Variants in ST3GAL6 observed in about 807,000 individuals in gnomAD.
ST3GAL6 encodes the protein type 2 lactosamine alpha-2,3-sialyltransferase.
ST3GAL6 carries 31 observed loss-of-function variants against 40.5 expected under a neutral mutation model. The ratio of observed to expected loss-of-function variants is 0.77; its 90% CI spans 0.58 to 1.03. The LOEUF (loss-of-function observed/expected upper bound fraction) is 1.03, where lower values mean the gene tolerates loss of function less well. Among genes scored for constraint, ST3GAL6 ranks in the 50% least tolerant of loss-of-function variants. ST3GAL6 has a pLI of 0.00. For missense variants in ST3GAL6, 357 were observed against 393.2 expected, an observed-to-expected ratio of 0.91 and a Z score of 0.78; for synonymous variants, 129 against 136.9, an observed-to-expected ratio of 0.94 and a Z score of 0.40.
In ST3GAL6 at chr3:98,793,852, A is replaced by G; in HGVS notation, c.*91A>G. 1 of 678,400 alleles carries G rather than the reference A, an allele frequency of 1.5e-6. No homozygotes were observed. Among genetic ancestry groups the G allele is most frequent in the Non-Finnish European group, 2.4e-6 (1 of 414,598 alleles). 42.0% of individuals were successfully genotyped at this position (678,400 alleles called of 1,614,324 possible). A position where few individuals can be genotyped will look rare whatever the true frequency, so the allele number is the denominator to read the frequency against. On this transcript the variant is annotated 3_prime_UTR_variant, in exon 10 of 10. Transcript: ENST00000483910. ...AAAATATGTTGGATGCACTCGTCAA[A>G]TAATTATGTATACTGTCTGTTGCTG...
intron 1 of ST3GAL6, among the ~76,000 whole-genome samples, chr3:98,744,459 T>G (rs1442632174): frequency 4.6e-5 from 7 of 152,190 alleles, no homozygotes; most frequent in African/African-American, 1.7e-4. Context: ...ACTCAAAAAC[T>G]GCCTCTCTTG....
intron 1 of ST3GAL6, among the ~76,000 whole-genome samples, chr3:98,734,765 A>G (rs535961106): frequency 2.2e-4 from 33 of 152,304 alleles, no homozygotes; most frequent in African/African-American, 7.5e-4. Flanking sequence ...CCATTTAAAA[A>G]CATTAGTCTG....
intron 1 of ST3GAL6, chr3:98,733,504 A>G (rs1576008934): frequency 2.0e-6 from 2 of 986,884 alleles, no homozygotes; most frequent in Admixed American, 6.1e-5. Flanking sequence ...CTTACCGTAT[A>G]AAGTTTTTCG....
intron 1 of ST3GAL6, among the ~76,000 whole-genome samples, chr3:98,735,512 C>T (rs886325261): frequency 9.9e-5 from 15 of 152,110 alleles, no homozygotes; most frequent in African/African-American, 3.1e-4. Context: ...CAGGGTCTGG[C>T]GAAATCTAGG....
chr3:98,771,604 T>C (rs1043667008), intron 3 of ST3GAL6, among the ~76,000 whole-genome samples: 1 of 152,266 alleles, frequency 6.6e-6, no homozygotes, highest in Non-Finnish European at 1.5e-5. Context: ...ATTTTTTCTA[T>C]GAAGCATTAA....
intron 1 of ST3GAL6, among the ~76,000 whole-genome samples, chr3:98,758,063 T>A (rs987301386): frequency 3.3e-5 from 5 of 152,176 alleles, no homozygotes; most frequent in African/African-American, 4.8e-5. Flanking sequence ...GGTCTCGAGC[T>A]CCTGACCTCT....
chr3:98,765,898 T>C (rs1050757499), intron 1 of ST3GAL6, among the ~76,000 whole-genome samples: 4 of 152,198 alleles, frequency 2.6e-5, no homozygotes, highest in Non-Finnish European at 5.9e-5. Context: ...ACTTATACAA[T>C]ATAATTAGAT....
chr3:98,772,886 T>G lies in ST3GAL6; in HGVS notation c.241T>G (p.Phe81Val). Residue 81 changes from phenylalanine to valine, a missense_variant, in exon 4 of 10, where the codon TTT (phenylalanine) becomes GTT (valine). Physicochemically the swap from Phe to Val is conservative, Grantham distance 50. Coordinates refer to ENST00000483910, the MANE Select transcript of ST3GAL6 (RefSeq NM_001323368.2). ...TGCTTCCTTGTATGGTAGCGATAAG[T>G]TTGATTTGCCCTATGGGATGAGAAC... ...KIASLYGSDK[F>V]DLPYGMRTSA... 6.2e-7 allele frequency: 1 copy of G among 1,612,822 alleles called. No individual in the cohort carries two copies. Among genetic ancestry groups the G allele is most frequent in the Non-Finnish European group, 8.5e-7 (1 of 1,179,052 alleles).
In ST3GAL6 at chr3:98,772,896, C is replaced by T; in HGVS notation, c.251C>T (p.Pro84Leu). ...SLYGSDKFDL[P>L]YGMRTSAEYF... is the part of the protein sequence containing the mutation. ...TATGGTAGCGATAAGTTTGATTTGC[C>T]CTATGGGATGAGAACATCAGGTCAG... The change falls in exon 4 of 10, where the codon CCC (proline) becomes CTC (leucine). Residue 84 changes from proline to leucine, a missense_variant. Transcript: ENST00000483910. 5.0e-6 allele frequency: 8 copies of T among 1,611,028 alleles called. No homozygotes were observed. Among genetic ancestry groups the T allele is most frequent in the Non-Finnish European group, 6.8e-6 (8 of 1,177,808 alleles).
Position 98,763,456 on chromosome 3 carries a change from G to C in ST3GAL6, c.-12+17G>C, listed in dbSNP as rs1353510768. 7.8e-7 allele frequency: 1 copy of C among 1,289,582 alleles called. No individual in the cohort carries two copies. The highest frequency in any genetic ancestry group is 1.2e-5 in the South Asian group (1 of 81,008). The allele number at this position is 1,289,582 out of a possible 1,614,324, so 79.9% of individuals were successfully genotyped here. ...GGTATGGAGGTGAGCCATGAACAAG[G>C]TTACCTGCTTAAGGGGAAGGTTGTG... On this transcript the variant is annotated intron_variant, in intron 1 of 9. Transcript: ENST00000483910.
At chr3:98,763,076 T>A, upstream of ST3GAL6, 1 of 985,370 alleles carries the variant, frequency 1.0e-6, no homozygotes, top group East Asian at 1.1e-4. Context: ...TTTCCATTCA[T>A]CACTGTGGAG....
At chr3:98,739,523 G>A (rs1218868055) in intron 1 of ST3GAL6, among the ~76,000 whole-genome samples, 2 of 152,262 alleles carry the variant, frequency 1.3e-5, no homozygotes, top group South Asian at 2.1e-4. Context: ...TGTTGCTTCT[G>A]ACCTCTTAGT....
chr3:98,772,022 C>G (rs1471507614), intron 3 of ST3GAL6, among the ~76,000 whole-genome samples: 1 of 152,086 alleles, frequency 6.6e-6, no homozygotes, highest in Non-Finnish European at 1.5e-5. Flanking sequence ...GAGCCACATA[C>G]GGGTTGCAGA....
intron 9 of ST3GAL6, among the ~76,000 whole-genome samples, chr3:98,792,700 G>T (rs139712313): frequency 3.2e-4 from 43 of 136,506 alleles, no homozygotes; most frequent in Middle Eastern, 3.8e-3. Context: ...TTGTATTTTT[G>T]TAGAGATGAG....
chr3:98,770,880 G>A lies in ST3GAL6; in HGVS notation c.91G>A (p.Val31Met). The change falls in exon 3 of 10, where the codon GTG becomes ATG. Residue 31 changes from valine (V) to methionine (M), a missense_variant and splice_region_variant. Val to Met is a conservative substitution (Grantham distance 21). Coordinates refer to ENST00000483910, the MANE Select transcript of ST3GAL6 (RefSeq NM_001323368.2). ...CILWGTNVYW[V>M]APVEMKRRNK... ...ACTGACATTATTTTTGTCTCATAGG[G>A]TGGCACCTGTGGAAATGAAACGGAG... 6.2e-7 allele frequency: 1 copy of A among 1,613,966 alleles called. No homozygotes were observed. The highest frequency in any genetic ancestry group is 8.5e-7 in the Non-Finnish European group (1 of 1,179,928).
chr3:98,738,830 A>T (rs1054412463), intron 1 of ST3GAL6, among the ~76,000 whole-genome samples: 3 of 152,110 alleles, frequency 2.0e-5, no homozygotes, highest in African/African-American at 7.2e-5. Context: ...GATATTCAGG[A>T]CCTGAACTTG....
At chr3:98,769,547 T>C (rs1938739524) in intron 2 of ST3GAL6, among the ~76,000 whole-genome samples, 1 of 152,182 alleles carries the variant, frequency 6.6e-6, no homozygotes, top group Non-Finnish European at 1.5e-5. Context: ...GATTGCTACT[T>C]TCCTACAAAT....
chr3:98,782,043 A>G, intron 5 of ST3GAL6: 2 of 586,346 alleles, frequency 3.4e-6, no homozygotes, highest in Non-Finnish European at 6.0e-6. Context: ...TAATGGCAAT[A>G]ATACCCTGAG....
At chr3:98,746,774 G>A (rs918097502) in intron 1 of ST3GAL6, among the ~76,000 whole-genome samples, 2 of 151,398 alleles carry the variant, frequency 1.3e-5, no homozygotes, top group Non-Finnish European at 2.9e-5. Flanking sequence ...TATTTTGGGG[G>A]CACATGTTAT....
Sources: gnomAD v4.1 joint callset for allele counts (sites outside exome capture counted in the v4.1 genomes callset) on GRCh38, gnomAD v4.1.1 for gene constraint, MANE v1.5 for transcripts, NCBI Gene and HGNC (gene_info 2026-07-23, HGNC 2026-07-21) for gene names.